Variants in SLC22A9 observed in about 807,000 individuals in gnomAD.
SLC22A9 encodes the protein organic anion transporter 7.
A neutral mutation model predicts 50.1 loss-of-function variants in SLC22A9; 64 were observed. The ratio of observed to expected loss-of-function variants is 1.28; its 90% CI spans 1.04 to 1.57. The LOEUF is 1.57. Among genes scored for constraint, SLC22A9 ranks in the 40% most tolerant of loss-of-function variants. The probability of loss-of-function intolerance (pLI) is 0.00; values close to 1 mark genes in which losing one functional copy is unlikely to be tolerated. For synonymous variants in SLC22A9, 261 were observed against 242.5 expected (o/e 1.08, Z -0.71); for missense variants, 757 against 676.1 (o/e 1.12, Z -1.33).
At position 63,406,566 on chromosome 11, in the gene SLC22A9, G is replaced by C; in HGVS notation, c.1143G>C (p.Leu381=). The change falls in exon 7 of 10, where the codon CTG becomes CTC. Residue 381 remains leucine (L), a synonymous_variant. Coordinates refer to ENST00000279178, the MANE Select transcript of SLC22A9 (RefSeq NM_080866.3). ...AGCATCTGGGGAACAATGTTTTCCT[G>C]TTGCAGACTCTCTTTGGTGCAGTCA... The part of the protein sequence containing the change: ...HVQHLGNNVF[L]LQTLFGAVIL... 1 of 1,613,778 alleles carries C rather than the reference G, an allele frequency of 6.2e-7. No individual in the cohort carries two copies. The highest frequency in any genetic ancestry group is 8.5e-7 in the Non-Finnish European group (1 of 1,179,808).
intron 2 of SLC22A9, among the ~76,000 whole-genome samples, chr11:63,372,646 T>A (rs1005814093): frequency 4.6e-5 from 7 of 152,162 alleles, no homozygotes; most frequent in African/African-American, 1.7e-4. Flanking sequence ...AATTTTCTGA[T>A]CTATAAATAT....
intron 6 of SLC22A9, among the ~76,000 whole-genome samples, chr11:63,397,141 A>T (rs1056254919): frequency 6.6e-6 from 1 of 152,204 alleles, no homozygotes; most frequent in African/African-American, 2.4e-5. Context: ...AGATATACTG[A>T]CATCATGGTC....
rs1219194781 is a variant in SLC22A9 at position 63,404,048 on chromosome 11, A to G, written c.1074-2449A>G. 2.6e-5 allele frequency among the ~76,000 whole-genome samples: 4 copies of G among 152,252 alleles called. No homozygotes were observed. The East Asian group carries it at 5.8e-4, about 22-fold the overall frequency. Reference sequence around the variant, plus strand: ...TTGGAAGAGATATTTGCACTCCCATATGTTCATTGCAGCATTATTCACAAT... The same window carrying G: ...TTGGAAGAGATATTTGCACTCCCATGTGTTCATTGCAGCATTATTCACAAT... On this transcript the variant is annotated intron_variant, in intron 6 of 9. Coordinates refer to ENST00000279178, the MANE Select transcript of SLC22A9 (RefSeq NM_080866.3).
At chr11:63,389,943 CT>C (rs1170271872) in intron 6 of SLC22A9, among the ~76,000 whole-genome samples, 1 of 152,194 alleles carries the variant, frequency 6.6e-6, no homozygotes, top group African/African-American at 2.4e-5. Context: ...TGATGATAAG[CT>C]TTTTTTCATG....
chr11:63,384,658 G>A (rs1248077483), intron 6 of SLC22A9, among the ~76,000 whole-genome samples: 1 of 152,112 alleles, frequency 6.6e-6, no homozygotes, highest in African/African-American at 2.4e-5. Context: ...TATATACTCA[G>A]TAATGGAATT....
chr11:63,394,244 A>T (rs1393222333), intron 6 of SLC22A9, among the ~76,000 whole-genome samples: 1 of 151,816 alleles, frequency 6.6e-6, no homozygotes, highest in African/African-American at 2.4e-5. Context: ...CATTCCAGTC[A>T]TCATGCTATT....
intron 6 of SLC22A9, among the ~76,000 whole-genome samples, chr11:63,393,925 C>T (rs2014807619): frequency 6.6e-6 from 1 of 152,138 alleles, no homozygotes; most frequent in Non-Finnish European, 1.5e-5. Context: ...CCATCACTTT[C>T]AGGTACACCA....
chr11:63,397,994 C>A (rs61928012), intron 6 of SLC22A9, among the ~76,000 whole-genome samples: 53,447 of 151,886 alleles, frequency 0.35, 10,087 homozygotes, highest in East Asian at 0.72. Flanking sequence ...ATGCCAGGTC[C>A]CACCTGAAGC....
chr11:63,374,873 T>A (rs1220040210), intron 4 of SLC22A9, among the ~76,000 whole-genome samples: 1 of 152,182 alleles, frequency 6.6e-6, no homozygotes, highest in Non-Finnish European at 1.5e-5. Context: ...ATTAAAATAT[T>A]AAGGCAAAAT....
At chr11:63,401,018 A>G (rs1002963804) in intron 6 of SLC22A9, among the ~76,000 whole-genome samples, 2 of 152,130 alleles carry the variant, frequency 1.3e-5, no homozygotes, top group South Asian at 2.1e-4. Context: ...CAATAAGATC[A>G]TATGTAACAA....
At chr11:63,381,108 T>C (rs975172071) in intron 5 of SLC22A9, among the ~76,000 whole-genome samples, 1 of 152,186 alleles carries the variant, frequency 6.6e-6, no homozygotes, top group African/African-American at 2.4e-5. Flanking sequence ...AGTCCTGTTT[T>C]AACCTCCATC....
chr11:63,394,428 T>C (rs572091143), intron 6 of SLC22A9, among the ~76,000 whole-genome samples: 176 of 152,278 alleles, frequency 1.2e-3, no homozygotes, highest in African/African-American at 3.4e-3. Context: ...TTAGTAATGG[T>C]GAATTCTCTC....
chr11:63,378,766 C>T (rs188188681), intron 5 of SLC22A9, among the ~76,000 whole-genome samples: 20 of 152,080 alleles, frequency 1.3e-4, no homozygotes, highest in Admixed American at 2.6e-4. Context: ...TAATCTCATT[C>T]GCAATAAACA....
In SLC22A9 at chr11:63,406,488, T is replaced by C. The variant is rs749021774; in HGVS notation, c.1074-9T>C. The C allele has an allele frequency of 6.2e-7, 1 of 1,610,114 alleles. No individual in the cohort carries two copies. The highest frequency in any genetic ancestry group is 1.1e-5 in the South Asian group (1 of 90,950). On this transcript the variant is annotated splice_polypyrimidine_tract_variant and intron_variant, in intron 6 of 9. Coordinates refer to ENST00000279178, the MANE Select transcript of SLC22A9 (RefSeq NM_080866.3). Reference sequence around the variant, plus strand: ...TATAATATGTTTCTTTCCTTTTTAATCATCACAGATTTGCAAACTTTATGG... The same window carrying C: ...TATAATATGTTTCTTTCCTTTTTAACCATCACAGATTTGCAAACTTTATGG...
intron 5 of SLC22A9, among the ~76,000 whole-genome samples, chr11:63,377,265 G>C (rs1296451672): frequency 6.6e-6 from 1 of 151,974 alleles, no homozygotes; most frequent in African/African-American, 2.4e-5. Context: ...CTCTGCACAT[G>C]ACACATGCTC....
At chr11:63,394,892 C>G (rs1204267972) in intron 6 of SLC22A9, among the ~76,000 whole-genome samples, 1 of 151,944 alleles carries the variant, frequency 6.6e-6, no homozygotes, top group Non-Finnish European at 1.5e-5. Context: ...TAGCATAATC[C>G]CAGACTTTTT....
chr11:63,408,745 C>T lies in SLC22A9; in HGVS notation c.1467C>T (p.Ile489=), dbSNP rs117984878. ...IAGALAPLMM[I]LSVYSPPLPW... Reference sequence around the variant, plus strand: ...GAGCCCTGGCTCCCCTCATGATGATCCTAAGTGTGTATTCTCCACCCCTGC... The same window carrying T: ...GAGCCCTGGCTCCCCTCATGATGATTCTAAGTGTGTATTCTCCACCCCTGC... The change falls in exon 9 of 10, where the codon ATC becomes ATT. Residue 489 remains isoleucine, a synonymous_variant. Coordinates refer to ENST00000279178, the MANE Select transcript of SLC22A9 (RefSeq NM_080866.3). The T allele has an allele frequency of 1.3e-4, 203 of 1,613,984 alleles. 2 individuals are homozygous for T. The East Asian group carries it at 4.2e-3, about 33-fold the overall frequency.
At chr11:63,372,533 A>G (rs74875357) in intron 2 of SLC22A9, among the ~76,000 whole-genome samples, 1 of 152,166 alleles carries the variant, frequency 6.6e-6, no homozygotes, top group Non-Finnish European at 1.5e-5. Flanking sequence ...GAACTACATT[A>G]TGATGTGAGA....
intron 5 of SLC22A9, among the ~76,000 whole-genome samples, chr11:63,377,593 T>G (rs769789305): frequency 7.9e-5 from 12 of 152,088 alleles, no homozygotes; most frequent in East Asian, 5.8e-4. Context: ...AATCCCCACA[T>G]CACAAAGTTT....
Sources: gnomAD v4.1 joint callset for allele counts (sites outside exome capture counted in the v4.1 genomes callset) on GRCh38, gnomAD v4.1.1 for gene constraint, MANE v1.5 for transcripts, NCBI Gene and HGNC (gene_info 2026-07-23, HGNC 2026-07-21) for gene names.